Variants in TP63 observed in about 807,000 individuals in gnomAD.
TP63 encodes the protein tumor protein 63.
In TP63, 17 loss-of-function variants were observed where a neutral mutation model predicts 82.8. The observed-to-expected ratio is 0.21, with a 90% CI of 0.14 to 0.31. The LOEUF is 0.31. Ranked by LOEUF, TP63 falls within the 10% of genes least tolerant of loss-of-function variation. TP63 has a pLI of 1.00. For synonymous variants in TP63, 330 were observed against 321.7 expected, an observed-to-expected ratio of 1.03 and a Z score of -0.28; for missense variants, 648 against 895.3, an observed-to-expected ratio of 0.72 and a Z score of 3.52.
At chr3:189,649,820 G>A (rs1037559781) in intron 1 of TP63, among the ~76,000 whole-genome samples, 1 of 146,702 alleles carries the variant, frequency 6.8e-6, no homozygotes, top group African/African-American at 2.6e-5. Flanking sequence ...CTGGAACAGA[G>A]TGAATAAGAA....
chr3:189,758,954 CTT>C (rs1722376992), intron 3 of TP63, among the ~76,000 whole-genome samples: 1 of 152,186 alleles, frequency 6.6e-6, no homozygotes, highest in Non-Finnish European at 1.5e-5. Context: ...CACAAGAAAA[CTT>C]TATTTTACTT....
At chr3:189,707,206 C>A (rs1718269431) in intron 1 of TP63, among the ~76,000 whole-genome samples, 1 of 152,152 alleles carries the variant, frequency 6.6e-6, no homozygotes. Context: ...TTAAACATTT[C>A]TATTTTTCTG....
At chr3:189,618,891 G>A in the TP63 span, among the ~76,000 whole-genome samples, 5 of 151,656 alleles carry the variant, frequency 3.3e-5, no homozygotes, top group Non-Finnish European at 7.4e-5. Flanking sequence ...TCTTCATTTA[G>A]CATTGATCAT....
chr3:189,608,063 G>T, the TP63 span, among the ~76,000 whole-genome samples: 1 of 152,148 alleles, frequency 6.6e-6, no homozygotes, highest in African/African-American at 2.4e-5. Flanking sequence ...TAGGTTATAA[G>T]TTCATTAATT....
At chr3:189,827,147 G>A (rs1331421281) in intron 4 of TP63, among the ~76,000 whole-genome samples, 2 of 152,192 alleles carry the variant, frequency 1.3e-5, no homozygotes, top group Non-Finnish European at 2.9e-5. Flanking sequence ...TATATTAATA[G>A]ATAAGTTAGC....
intron 4 of TP63, among the ~76,000 whole-genome samples, chr3:189,827,334 C>G (rs1378785204): frequency 1.3e-5 from 2 of 152,152 alleles, no homozygotes; most frequent in Admixed American, 1.3e-4. Context: ...TAGATGAACA[C>G]TTGCCTTGTG....
chr3:189,889,433 C>T lies in TP63; in HGVS notation c.1601C>T (p.Thr534Ile). 1 of 1,614,148 alleles carries T rather than the reference C, an allele frequency of 6.2e-7. No individual in the cohort carries two copies. Among genetic ancestry groups the T allele is most frequent in the South Asian group, 1.1e-5 (1 of 91,080 alleles). Residue 534 changes from threonine (T) to isoleucine (I), a missense_variant, in exon 12 of 14, where the codon ACC becomes ATC. Coordinates refer to ENST00000264731, the MANE Select transcript of TP63 (RefSeq NM_003722.5). ...ALPPPLSMPS[T>I]SHCTPPPPYP... ...CCTCCCCCACTCTCCATGCCATCCA[C>T]CTCCCACTGCACACCCCCACCTCCG... is the stretch of plus-strand genomic sequence containing the variant.
At chr3:189,705,323 A>G (rs1302464368) in intron 1 of TP63, among the ~76,000 whole-genome samples, 1 of 152,244 alleles carries the variant, frequency 6.6e-6, no homozygotes, top group Non-Finnish European at 1.5e-5. Flanking sequence ...CTATAGGATT[A>G]GTATAAGGTC....
At chr3:189,875,615 T>TATATATATATACACAC (rs1719037514) in intron 10 of TP63, among the ~76,000 whole-genome samples, 3 of 110,410 alleles carry the variant, frequency 2.7e-5, no homozygotes, top group Non-Finnish European at 5.5e-5. Context: ...TATATATATA[T>TATATATATATACACAC]ATATATATAT....
intron 1 of TP63, among the ~76,000 whole-genome samples, chr3:189,719,567 A>C (rs1719220017): frequency 6.6e-6 from 1 of 152,158 alleles, no homozygotes; most frequent in Admixed American, 6.5e-5. Context: ...TCTGTAAAAA[A>C]ATCAGATTGA....
At chr3:189,790,832 A>C (rs1725058363) in intron 3 of TP63, among the ~76,000 whole-genome samples, 1 of 152,070 alleles carries the variant, frequency 6.6e-6, no homozygotes, top group Non-Finnish European at 1.5e-5. Context: ...ATCAAAACAA[A>C]ATGCATAGTA....
chr3:189,651,326 A>T (rs1274203865), intron 1 of TP63, among the ~76,000 whole-genome samples: 1 of 146,472 alleles, frequency 6.8e-6, no homozygotes, highest in Non-Finnish European at 1.5e-5. Context: ...CAGGTGGATA[A>T]CTTGAGGTCA....
At chr3:189,699,195 A>G (rs114048296) in intron 1 of TP63, among the ~76,000 whole-genome samples, 1,625 of 152,266 alleles carry the variant, frequency 0.011, 32 homozygotes, top group African/African-American at 0.037. Context: ...ACTCACAGTA[A>G]CCCTCTGAAG....
chr3:189,712,617 C>T (rs1410723561), intron 1 of TP63, among the ~76,000 whole-genome samples: 2 of 152,114 alleles, frequency 1.3e-5, no homozygotes, highest in Non-Finnish European at 2.9e-5. Flanking sequence ...GATTTAATCA[C>T]CTCCTCAAAA....
chr3:189,820,317 C>T (rs763694210), intron 4 of TP63, among the ~76,000 whole-genome samples: 4 of 152,268 alleles, frequency 2.6e-5, no homozygotes, highest in South Asian at 4.1e-4. Context: ...ATTAAATATA[C>T]GACCATTTGT....
the TP63 span, among the ~76,000 whole-genome samples, chr3:189,624,535 C>T: frequency 6.6e-6 from 1 of 152,186 alleles, no homozygotes; most frequent in South Asian, 2.1e-4. Context: ...CTCCTGCAGC[C>T]CCAATCTAAG....
chr3:189,821,526 T>G (rs1419877940), intron 4 of TP63, among the ~76,000 whole-genome samples: 1 of 152,204 alleles, frequency 6.6e-6, no homozygotes, highest in Non-Finnish European at 1.5e-5. Flanking sequence ...GGGAAAGAAT[T>G]AGAGTGTTGC....
intron 10 of TP63, among the ~76,000 whole-genome samples, chr3:189,875,616 A>ACACATATATATATATATATATATACG (rs1283186870): frequency 9.2e-6 from 1 of 108,726 alleles, no homozygotes; most frequent in African/African-American, 4.5e-5. Context: ...ATATATATAT[A>ACACATATATATATATATATATATACG]TATATATATA....
At chr3:189,806,697 TC>T (rs1400419846) in intron 3 of TP63, among the ~76,000 whole-genome samples, 11 of 152,334 alleles carry the variant, frequency 7.2e-5, no homozygotes, top group African/African-American at 2.6e-4. Context: ...AAACAGCTGC[TC>T]TTGTCAGCAT....
Sources: allele counts gnomAD v4.1 joint callset (sites outside exome capture counted in the v4.1 genomes callset), GRCh38; gene constraint gnomAD v4.1.1; transcripts MANE v1.5; gene names NCBI Gene and HGNC (gene_info 2026-07-23, HGNC 2026-07-21).